Variants in USP30 observed in about 807,000 individuals in gnomAD.
The protein encoded by USP30 is ubiquitin carboxyl-terminal hydrolase 30.
In USP30, 41 loss-of-function variants were observed where a neutral mutation model predicts 68.2. The observed-to-expected ratio is 0.60, with a 90% CI of 0.47 to 0.78. The LOEUF is 0.78. Ranked by LOEUF, USP30 falls within the 30% of genes least tolerant of loss-of-function variation. The pLI is 0.00. For missense variants in USP30, 522 were observed against 649.4 expected, an observed-to-expected ratio of 0.80 and a Z score of 2.13; for synonymous variants, 229 against 253.7, an observed-to-expected ratio of 0.90 and a Z score of 0.93.
chr12:109,054,045 A>C, intron 1 of USP30: 1 of 456,056 alleles, frequency 2.2e-6, no homozygotes, highest in Non-Finnish European at 4.4e-6. Context: ...AAAATGAGGT[A>C]AGATTGTCAC....
At chr12:109,040,776 G>T (rs559554714) in intron 3 of USP30, among the ~76,000 whole-genome samples, 2 of 152,196 alleles carry the variant, frequency 1.3e-5, no homozygotes, top group Admixed American at 6.5e-5. Context: ...TTTTCCCAGA[G>T]CAAGTGTTTC....
chr12:109,082,170 G>A, intron 9 of USP30, 151 bp downstream of exon 9: 1 of 755,254 alleles, frequency 1.3e-6, no homozygotes, highest in Non-Finnish European at 2.2e-6. Flanking sequence ...GACATTGGCA[G>A]CTCATGGACC....
intron 3 of USP30, among the ~76,000 whole-genome samples, chr12:109,062,899 G>A (rs1450736202): frequency 1.3e-5 from 2 of 151,942 alleles, no homozygotes; most frequent in Non-Finnish European, 2.9e-5. Context: ...GGTAACCACT[G>A]CCCTACTTTC....
intron 2 of USP30, among the ~76,000 whole-genome samples, chr12:109,057,725 G>A (rs2040920180): frequency 6.6e-6 from 1 of 152,188 alleles, no homozygotes; most frequent in African/African-American, 2.4e-5. Flanking sequence ...CTGTCCTTCT[G>A]TGCTTACAGT....
At chr12:109,059,170 T>A (rs2040977780) in intron 3 of USP30, among the ~76,000 whole-genome samples, 1 of 152,178 alleles carries the variant, frequency 6.6e-6, no homozygotes, top group Non-Finnish European at 1.5e-5. Context: ...GGTAAAGGTT[T>A]TAAGAAATAA....
chr12:109,068,424 C>G (rs2041328325), intron 4 of USP30, among the ~76,000 whole-genome samples: 1 of 152,204 alleles, frequency 6.6e-6, no homozygotes. Context: ...GGGAGGCTTT[C>G]TAGCACCCCT....
upstream of USP30, chr12:109,052,417 C>T (rs1009889080): frequency 1.4e-5 from 5 of 365,890 alleles, no homozygotes; most frequent in Non-Finnish European, 2.0e-5. Flanking sequence ...CAAGCAGCCC[C>T]AGGCAACTGA....
chr12:109,033,237 T>G (rs1048898260), intron 3 of USP30, among the ~76,000 whole-genome samples: 1 of 152,222 alleles, frequency 6.6e-6, no homozygotes, highest in African/African-American at 2.4e-5. Flanking sequence ...AGAATTATAC[T>G]TCAAGGCATA....
Position 109,084,821 on chromosome 12 carries a change from A to G in USP30, c.1169-132A>G, listed in dbSNP as rs961554416. ...AAAGGGCAGATTATTTTATGAATCT[A>G]TATAATACCAAATGAAATAGATTTT... On this transcript the variant is annotated intron_variant, in intron 11 of 12. Coordinates refer to ENST00000257548, the MANE Select transcript of USP30 (RefSeq NM_032663.5). 5.5e-6 allele frequency: 6 copies of G among 1,088,728 alleles called. No individual in the cohort carries two copies. In the African/African-American group the frequency reaches 7.9e-5, roughly 14 times the overall value. 67.4% of individuals were successfully genotyped at this position (1,088,728 alleles called of 1,614,324 possible). A position where few individuals can be genotyped will look rare whatever the true frequency, so the allele number is the denominator to read the frequency against.
Position 109,077,179 on chromosome 12 carries a change from C to T in USP30, c.720+3647C>T, listed in dbSNP as rs151175038. Among the ~76,000 whole-genome samples the T allele has an allele frequency of 4.9e-3, 741 of 152,228 alleles. 7 individuals are homozygous for T. The highest frequency in any genetic ancestry group is 0.017 in the African/African-American group (707 of 41,542). ...ATCTGTGTTTATGAGGAATATTGTT[C>T]TTACACTTTTCTTCTCTTGTGATGT... is the stretch of plus-strand genomic sequence containing the variant. On this transcript the variant is annotated intron_variant, in intron 7 of 12. Transcript: ENST00000257548.
chr12:109,073,120 TGG>T, intron 6 of USP30, among the ~76,000 whole-genome samples: 1 of 152,250 alleles, frequency 6.6e-6, no homozygotes. Context: ...TGTTCACTTG[TGG>T]TATCCTTCTT....
At chr12:109,034,153 A>G (rs1026096453) in intron 3 of USP30, among the ~76,000 whole-genome samples, 2 of 152,190 alleles carry the variant, frequency 1.3e-5, no homozygotes, top group East Asian at 3.8e-4. Context: ...TCTCTCCACA[A>G]TATTGTGACT....
chr12:109,044,063 AC>A (rs1275701657), intron 3 of USP30, among the ~76,000 whole-genome samples: 1 of 152,260 alleles, frequency 6.6e-6, no homozygotes, highest in Admixed American at 6.5e-5. Context: ...AATATGCCAC[AC>A]CATAAATGAA....
intron 1 of USP30, 121 bp downstream of exon 1, chr12:109,052,882 G>T (rs1262796258): frequency 5.6e-6 from 6 of 1,071,142 alleles, no homozygotes; most frequent in Non-Finnish European, 7.4e-6. Flanking sequence ...ATTCTGGAAG[G>T]TTCTGCGTCC....
rs2041448744 is a variant in USP30 at position 109,071,675 on chromosome 12, C to T, written c.544C>T (p.Arg182Trp). 11 of 1,614,068 alleles carry T rather than the reference C, an allele frequency of 6.8e-6. No homozygotes were observed. The highest frequency in any genetic ancestry group is 1.3e-5 in the African/African-American group (1 of 74,912). The change falls in exon 5 of 13, where the codon CGG becomes TGG. Residue 182 changes from arginine (R) to tryptophan (W), a missense_variant. Physicochemically the swap from Arg to Trp is moderately radical, Grantham distance 101 (BLOSUM62 -3). Coordinates refer to ENST00000257548, the MANE Select transcript of USP30 (RefSeq NM_032663.5). ...SLEDERDRQPRVTHLFDVHSL... is the reference protein window; with the variant it reads ...SLEDERDRQPWVTHLFDVHSL... ...GGAAGATGAGCGAGACCGCCAGCCT[C>T]GGGTCACACATTTGTTTGATGTGCA...
chr12:109,027,805 G>A (rs945099487), intron 3 of USP30, among the ~76,000 whole-genome samples: 1 of 152,172 alleles, frequency 6.6e-6, no homozygotes, highest in East Asian at 1.9e-4. Context: ...TGATGGACAC[G>A]TGGGTTGTTT....
In USP30 at chr12:109,086,723, T is replaced by G. The variant is rs1207681758; in HGVS notation, c.*792T>G. On this transcript the variant is annotated 3_prime_UTR_variant, in exon 13 of 13. Transcript: ENST00000257548. ...TTTGCAACACCTGATTCCTCTGCTC[T>G]GTGGAAAACTTTTTCTTACACAAGG... 6.6e-6 allele frequency: 1 copy of G among 152,272 alleles called. No homozygotes were observed. Among genetic ancestry groups the G allele is most frequent in the East Asian group, 1.9e-4 (1 of 5,196 alleles). 9.4% of individuals were successfully genotyped at this position (152,272 alleles called of 1,614,324 possible). A position where few individuals can be genotyped will look rare whatever the true frequency, so the allele number is the denominator to read the frequency against.
intron 3 of USP30, among the ~76,000 whole-genome samples, chr12:109,045,801 A>G (rs750080971): frequency 5.3e-5 from 8 of 152,210 alleles, no homozygotes; most frequent in Non-Finnish European, 7.3e-5. Context: ...CCAGAGAAAC[A>G]GAATCAATAG....
chr12:109,083,520 C>T (rs1406542158), intron 11 of USP30, among the ~76,000 whole-genome samples: 2 of 152,096 alleles, frequency 1.3e-5, no homozygotes, highest in Non-Finnish European at 2.9e-5. Flanking sequence ...TTACTGCCCT[C>T]AGCTGAGGTC....
Sources: allele counts gnomAD v4.1 joint callset (sites outside exome capture counted in the v4.1 genomes callset), GRCh38; gene constraint gnomAD v4.1.1; transcripts MANE v1.5; gene names NCBI Gene and HGNC (gene_info 2026-07-23, HGNC 2026-07-21).